The following PLEKHM3 variants were observed in gnomAD, a reference collection of about 807,000 sequenced individuals.
PLEKHM3 encodes the protein pleckstrin homology domain containing M3.
PLEKHM3 carries 45 observed loss-of-function variants against 81.8 expected under a neutral mutation model. The observed-to-expected ratio is 0.55, with a 90% CI of 0.43 to 0.71. The LOEUF (loss-of-function observed/expected upper bound fraction) is 0.71. Ranked by LOEUF, PLEKHM3 falls within the 30% of genes least tolerant of loss-of-function variation. PLEKHM3 has a pLI of 0.00. For synonymous variants in PLEKHM3, 352 were observed against 356.4 expected (o/e 0.99, Z 0.14); for missense variants, 788 against 924.3 (o/e 0.85, Z 1.91).
At chr2:208,020,672 C>T (rs941347567) in intron 1 of PLEKHM3, among the ~76,000 whole-genome samples, 1 of 151,968 alleles carries the variant, frequency 6.6e-6, no homozygotes, top group Non-Finnish European at 1.5e-5. Flanking sequence ...CCTTATGAAC[C>T]AAATGCCAAA....
At chr2:208,005,773 T>C (rs547258715) in intron 1 of PLEKHM3, among the ~76,000 whole-genome samples, 1 of 152,332 alleles carries the variant, frequency 6.6e-6, no homozygotes, top group South Asian at 2.1e-4. Context: ...TTGTGTTCAC[T>C]AATGGACCCC....
intron 7 of PLEKHM3, among the ~76,000 whole-genome samples, chr2:207,850,069 G>T (rs2092404430): frequency 6.6e-6 from 1 of 152,148 alleles, no homozygotes; most frequent in African/African-American, 2.4e-5. Flanking sequence ...TGTGGAAAAG[G>T]ACCAAACACA....
intron 5 of PLEKHM3, among the ~76,000 whole-genome samples, chr2:207,915,560 A>C (rs567639459): frequency 2.0e-4 from 30 of 152,308 alleles, no homozygotes; most frequent in African/African-American, 7.0e-4. Context: ...CTCAGTTCTT[A>C]GAGATGCACA....
At position 208,007,255 on chromosome 2, in the gene PLEKHM3, T is replaced by A. The variant is rs192318843; in HGVS notation, c.-318-5298A>T. On this transcript the variant is annotated intron_variant, in intron 1 of 7. Coordinates refer to ENST00000427836, the MANE Select transcript of PLEKHM3 (RefSeq NM_001080475.3). ...AGGGTGATTACAAGGATGGTCCACATTGAGGGCGTTCACATCACCTTGGTT... is the reference window on the plus strand; with the variant it reads ...AGGGTGATTACAAGGATGGTCCACAATGAGGGCGTTCACATCACCTTGGTT... 7.6e-4 allele frequency among the ~76,000 whole-genome samples: 116 copies of A among 152,328 alleles called. 1 individual carries two copies. The highest frequency in any genetic ancestry group is 2.4e-3 in the African/African-American group (101 of 41,578).
chr2:207,858,485 AT>A (rs59555910), intron 7 of PLEKHM3, among the ~76,000 whole-genome samples: 8,177 of 140,884 alleles, frequency 0.058, 418 homozygotes, highest in African/African-American at 0.14. Flanking sequence ...ACTAAACATG[AT>A]TTTTTTTTTT....
At chr2:208,004,670 T>C (rs1378992636) in intron 1 of PLEKHM3, among the ~76,000 whole-genome samples, 1 of 152,118 alleles carries the variant, frequency 6.6e-6, no homozygotes, top group Non-Finnish European at 1.5e-5. Context: ...TTCCCCCAGA[T>C]ACCCCAACAT....
intron 5 of PLEKHM3, among the ~76,000 whole-genome samples, chr2:207,914,044 T>C (rs1246710639): frequency 6.6e-6 from 1 of 152,078 alleles, no homozygotes; most frequent in Non-Finnish European, 1.5e-5. Context: ...TACTAAAGTG[T>C]TATATAAAAA....
At chr2:207,956,452 A>G (rs1690510605) in intron 3 of PLEKHM3, among the ~76,000 whole-genome samples, 1 of 152,056 alleles carries the variant, frequency 6.6e-6, no homozygotes, top group African/African-American at 2.4e-5. Flanking sequence ...CAGCTTGGGC[A>G]ACGGTATGAG....
chr2:208,009,371 CCTAAAATGGTCTGTTCTTTCTTTAA>C, intron 1 of PLEKHM3, among the ~76,000 whole-genome samples: 1 of 152,276 alleles, frequency 6.6e-6, no homozygotes, highest in East Asian at 1.9e-4. Context: ...GGTCCCTGAT[CCTAAAATGGTCTGTTCTTTCTTTAA>C]ACTGCCACTG....
chr2:207,977,123 C>T lies in PLEKHM3; in HGVS notation c.1074G>A (p.Gln358=). 2 of 1,614,166 alleles carry T rather than the reference C, an allele frequency of 1.2e-6. No homozygotes were observed. The highest frequency in any genetic ancestry group is 2.2e-5 in the South Asian group (2 of 91,090). Residue 358 remains glutamine, a synonymous_variant, in exon 3 of 8, where the codon CAG becomes CAA. Coordinates refer to ENST00000427836, the MANE Select transcript of PLEKHM3 (RefSeq NM_001080475.3). The stretch of plus-strand genomic sequence containing the variant: ...TCCCTGATTTGAGGATGTTTTGGTA[C>T]TGTTTGGAGCTGTCCAGGACAGGGG... The part of the protein sequence containing the change: ...PPSPVLDSSK[Q]YQNILKSGTL...
intron 6 of PLEKHM3, among the ~76,000 whole-genome samples, chr2:207,895,488 G>A (rs1688194881): frequency 6.6e-6 from 1 of 152,186 alleles, no homozygotes; most frequent in Non-Finnish European, 1.5e-5. Context: ...CTTGACCTGT[G>A]CTCTAGCCAA....
chr2:208,000,936 T>C (rs1406409303), intron 2 of PLEKHM3, 94 bp downstream of exon 2: 8 of 1,164,156 alleles, frequency 6.9e-6, no homozygotes, highest in Admixed American at 6.2e-5. Flanking sequence ...AATGATTCAG[T>C]AGAAGTCAGA....
At chr2:207,916,461 CG>C (rs747214925) in intron 5 of PLEKHM3, among the ~76,000 whole-genome samples, 124 of 152,192 alleles carry the variant, frequency 8.1e-4, no homozygotes, top group Non-Finnish European at 4.1e-4. Context: ...TTTTAGAGGC[CG>C]GGCACGGTGG....
intron 7 of PLEKHM3, among the ~76,000 whole-genome samples, chr2:207,860,623 T>G (rs1165100465): frequency 5.3e-5 from 8 of 152,172 alleles, no homozygotes. Flanking sequence ...CTCCTTTGGA[T>G]CCTAAAACTT....
At chr2:208,000,411 C>T (rs138491515) in intron 2 of PLEKHM3, among the ~76,000 whole-genome samples, 143 of 152,332 alleles carry the variant, frequency 9.4e-4, no homozygotes, top group Middle Eastern at 3.4e-3. Context: ...AGAAGCCCAA[C>T]CCACAGTGTC....
chr2:208,015,826 G>T (rs1692888056), intron 1 of PLEKHM3, among the ~76,000 whole-genome samples: 1 of 152,166 alleles, frequency 6.6e-6, no homozygotes, highest in South Asian at 2.1e-4. Flanking sequence ...TCTGTCAAAA[G>T]AATTAAAAGA....
chr2:207,973,040 T>C (rs932629439), intron 3 of PLEKHM3, among the ~76,000 whole-genome samples: 2 of 152,200 alleles, frequency 1.3e-5, no homozygotes, highest in African/African-American at 4.8e-5. Flanking sequence ...TAAAAACTTA[T>C]AAAGGGGCAC....
At chr2:207,968,538 T>G (rs1018347445) in intron 3 of PLEKHM3, among the ~76,000 whole-genome samples, 4 of 152,198 alleles carry the variant, frequency 2.6e-5, no homozygotes, top group Admixed American at 2.6e-4. Flanking sequence ...GCTCATTCCC[T>G]TCAAGCCCTC....
chr2:208,019,190 T>C (rs772041126), intron 1 of PLEKHM3, among the ~76,000 whole-genome samples: 91 of 152,014 alleles, frequency 6.0e-4, no homozygotes, highest in Admixed American at 1.1e-3. Context: ...CCTATAGTCC[T>C]AGCTATGCAG....
Sources: gnomAD v4.1 joint callset for allele counts (sites outside exome capture counted in the v4.1 genomes callset) on GRCh38, gnomAD v4.1.1 for gene constraint, MANE v1.5 for transcripts, NCBI Gene and HGNC (gene_info 2026-07-23, HGNC 2026-07-21) for gene names.